LAMA1: variants seen among roughly 807,000 people sequenced by gnomAD.
The protein encoded by LAMA1 is laminin subunit alpha-1.
LAMA1 carries 219 observed loss-of-function variants against 348.7 expected under a neutral mutation model. The ratio of observed to expected loss-of-function variants is 0.63; its 90% confidence interval spans 0.56 to 0.70. The LOEUF is 0.70. LAMA1 is among the 30% of genes least tolerant of loss of function. LAMA1 has a pLI of 0.00. For synonymous variants in LAMA1, 1,487 were observed against 1,491.0 expected, an observed-to-expected ratio of 1.00 and a Z score of 0.06; for missense variants, 3,744 against 3,888.0, an observed-to-expected ratio of 0.96 and a Z score of 0.99.
chr18:7,058,811 C>A (rs1199053936), intron 3 of LAMA1, among the ~76,000 whole-genome samples: 3 of 152,116 alleles, frequency 2.0e-5, no homozygotes, highest in African/African-American at 7.2e-5. Context: ...TAATACAGGC[C>A]GAATTCACCA....
chr18:7,115,814 C>CAAAACAAAAAAAAAAAAAAAA (rs58813825), intron 1 of LAMA1, among the ~76,000 whole-genome samples: 3 of 94,838 alleles, frequency 3.2e-5, no homozygotes, highest in East Asian at 5.3e-4. Flanking sequence ...ACTAAAAATA[C>CAAAACAAAAAAAAAAAAAAAA]AAAAAAAAAA....
At chr18:6,993,596 A>T in intron 35 of LAMA1, 45 bp downstream of exon 35, 1 of 1,317,390 alleles carries the variant, frequency 7.6e-7, no homozygotes, top group Non-Finnish European at 1.1e-6. Context: ...GTGACTTCTT[A>T]CTAGATAAGC....
intron 1 of LAMA1, among the ~76,000 whole-genome samples, chr18:7,111,924 T>G (rs114899197): frequency 0.013 from 2,020 of 152,286 alleles, 42 homozygotes; most frequent in African/African-American, 0.046. Flanking sequence ...TTAGAAATTT[T>G]TTTAAATACA....
At chr18:7,063,894 T>A (rs2058112280) in intron 3 of LAMA1, among the ~76,000 whole-genome samples, 1 of 152,100 alleles carries the variant, frequency 6.6e-6, no homozygotes, top group Non-Finnish European at 1.5e-5. Context: ...GTACAGAGTT[T>A]CTGTTTGGGA....
intron 3 of LAMA1, among the ~76,000 whole-genome samples, chr18:7,063,832 G>A (rs58373427): frequency 0.02 from 3,099 of 152,266 alleles, 107 homozygotes; most frequent in African/African-American, 0.07. Flanking sequence ...AAGCTGAATG[G>A]AGGCTACCCA....
chr18:7,066,048 C>T (rs2143755758), intron 3 of LAMA1, among the ~76,000 whole-genome samples: 1 of 152,270 alleles, frequency 6.6e-6, no homozygotes, highest in East Asian at 1.9e-4. Flanking sequence ...TCACCAAAAC[C>T]AATGCTTTCA....
chr18:7,019,674 CTTTTTTT>C (rs35235323), intron 19 of LAMA1, among the ~76,000 whole-genome samples: 1 of 94,548 alleles, frequency 1.1e-5, no homozygotes, highest in Non-Finnish European at 1.9e-5. Context: ...TATGGTAATT[CTTTTTTT>C]TTTTTTTTTT....
At chr18:7,070,678 T>C (rs949212563) in intron 3 of LAMA1, among the ~76,000 whole-genome samples, 1 of 152,150 alleles carries the variant, frequency 6.6e-6, no homozygotes, top group African/African-American at 2.4e-5. Context: ...AAAGTGCTAC[T>C]TCCTAATTAA....
intron 61 of LAMA1, among the ~76,000 whole-genome samples, chr18:6,944,981 T>C (rs1407549245): frequency 6.6e-6 from 1 of 152,130 alleles, no homozygotes; most frequent in Non-Finnish European, 1.5e-5. Flanking sequence ...AGAAGTAAAA[T>C]GTATAATACA....
intron 18 of LAMA1, among the ~76,000 whole-genome samples, chr18:7,024,132 C>T (rs772487905): frequency 7.9e-5 from 12 of 152,086 alleles, no homozygotes; most frequent in Non-Finnish European, 1.6e-4. Flanking sequence ...GTGTGGGCCA[C>T]CAAACCCGGC....
chr18:7,038,998 C>T (rs1338633841), intron 10 of LAMA1, 48 bp from the exon 11 acceptor site: 8 of 1,495,220 alleles, frequency 5.4e-6, no homozygotes, highest in Admixed American at 1.7e-5. Context: ...TGTGTCTGTC[C>T]AGAGAGAATA....
intron 21 of LAMA1, 129 bp downstream of exon 21, chr18:7,016,362 A>T: frequency 1.9e-6 from 2 of 1,034,948 alleles, no homozygotes; most frequent in Non-Finnish European, 2.9e-6. Flanking sequence ...GAAAAAAGGT[A>T]TGAAATCCTC....
chr18:7,079,183 T>G (rs1366372555), intron 3 of LAMA1: 1 of 152,198 alleles, frequency 6.6e-6, no homozygotes, highest in African/African-American at 2.4e-5. Context: ...CAAGAGAAAC[T>G]GAATGGAAAT....
intron 1 of LAMA1, among the ~76,000 whole-genome samples, chr18:7,090,878 G>T (rs986458581): frequency 6.6e-6 from 1 of 152,194 alleles, no homozygotes; most frequent in Non-Finnish European, 1.5e-5. Flanking sequence ...ACAAGAGGGG[G>T]TGGTAAGCAG....
At chr18:7,063,013 T>C (rs1183693069) in intron 3 of LAMA1, among the ~76,000 whole-genome samples, 4 of 152,196 alleles carry the variant, frequency 2.6e-5, no homozygotes, top group Non-Finnish European at 5.9e-5. Context: ...CAACAGGTGA[T>C]ACTGCCCAGA....
Position 6,948,470 on chromosome 18 carries a change from C to T in LAMA1, c.8643G>A (p.Thr2881=), listed in dbSNP as rs971196244. 1.9e-6 allele frequency: 3 copies of T among 1,614,032 alleles called. No homozygotes were observed. Among genetic ancestry groups the T allele is most frequent in the South Asian group, 2.2e-5 (2 of 91,084 alleles). ...GGGCCACTGCGTAGCACCTGTTCAC[C>T]GTGAAGGCAGACACCGGGCTGTCCT... ...LDKDSPVSAF[T]VNRCYAVAQE... is the part of the protein sequence containing the mutation. The change falls in exon 60 of 63, where the codon ACG becomes ACA. Residue 2881 remains threonine (T), a synonymous_variant. Coordinates refer to ENST00000389658, the MANE Select transcript of LAMA1 (RefSeq NM_005559.4).
At chr18:7,000,260 C>A (rs1310904615) in intron 30 of LAMA1, among the ~76,000 whole-genome samples, 2 of 152,210 alleles carry the variant, frequency 1.3e-5, no homozygotes, top group Non-Finnish European at 2.9e-5. Context: ...AGAAGACTGA[C>A]CTTAGGGATT....
chr18:6,995,735 C>T (rs1180836522), intron 33 of LAMA1, among the ~76,000 whole-genome samples: 2 of 152,138 alleles, frequency 1.3e-5, no homozygotes, highest in East Asian at 3.9e-4. Flanking sequence ...CTGGCTTTAT[C>T]TCAATAGCAG....
rs12604267 is a variant in LAMA1, at chr18:7,015,962, C to T, written c.2990-104G>A. The T allele has an allele frequency of 5.0e-6, 7 of 1,399,248 alleles. No homozygotes were observed. In the East Asian group the frequency reaches 1.4e-4, roughly 28 times the overall value. The allele number at this position is 1,399,248 out of a possible 1,614,324, so 86.7% of individuals were successfully genotyped here. On this transcript the variant is annotated intron_variant, in intron 21 of 62. Transcript: ENST00000389658. ...TTTATTAAGAGTCCAAGCCACTCTT[C>T]TCACTCCTAAAAGACGCCTCACAAT...
Sources: gnomAD v4.1 joint callset for allele counts (sites outside exome capture counted in the v4.1 genomes callset) on GRCh38, gnomAD v4.1.1 for gene constraint, MANE v1.5 for transcripts, NCBI Gene and HGNC (gene_info 2026-07-23, HGNC 2026-07-21) for gene names.